Variants in TMEM135 observed in about 807,000 individuals in gnomAD.
TMEM135 encodes peroxisomal membrane protein 52.
Under a neutral mutation model 60.3 loss-of-function variants are expected in TMEM135, and 30 were observed. That is an observed-to-expected ratio of 0.50 (90% CI 0.37 to 0.68). The LOEUF is 0.68. Ranked by LOEUF, TMEM135 falls within the 30% of genes least tolerant of loss-of-function variation. The pLI, the probability that TMEM135 is intolerant of heterozygous loss-of-function variation, is 0.00. For missense variants in TMEM135, 468 were observed against 548.8 expected, an observed-to-expected ratio of 0.85 and a Z score of 1.47; for synonymous variants, 190 against 186.7, an observed-to-expected ratio of 1.02 and a Z score of -0.14.
At chr11:87,298,975 C>G (rs183146515) in intron 7 of TMEM135, among the ~76,000 whole-genome samples, 3 of 150,864 alleles carry the variant, frequency 2.0e-5, no homozygotes, top group African/African-American at 4.9e-5. Flanking sequence ...GTAATCCCAG[C>G]GACTTGAGAG....
At chr11:87,241,536 A>G (rs1169215106) in intron 6 of TMEM135, among the ~76,000 whole-genome samples, 1 of 152,050 alleles carries the variant, frequency 6.6e-6, no homozygotes, top group Non-Finnish European at 1.5e-5. Context: ...AGTTATTTTT[A>G]AATATACAAT....
intron 3 of TMEM135, among the ~76,000 whole-genome samples, chr11:87,084,303 A>G (rs1236981375): frequency 8.1e-6 from 1 of 124,190 alleles, no homozygotes; most frequent in African/African-American, 3.4e-5. Context: ...CAGTTCCTGT[A>G]GCAGTGGTTC....
intron 5 of TMEM135, among the ~76,000 whole-genome samples, chr11:87,215,509 A>G (rs1051366041): frequency 3.9e-5 from 6 of 152,134 alleles, no homozygotes; most frequent in African/African-American, 1.4e-4. Context: ...CTTCTCTGTC[A>G]TTGTTGCCTC....
At chr11:87,246,233 A>G in intron 6 of TMEM135, among the ~76,000 whole-genome samples, 1 of 149,488 alleles carries the variant, frequency 6.7e-6, no homozygotes. Context: ...TGTTAGTCCA[A>G]TGGGCTTCCC....
intron 3 of TMEM135, among the ~76,000 whole-genome samples, chr11:87,081,612 G>A (rs1230483961): frequency 1.3e-5 from 2 of 151,474 alleles, no homozygotes; most frequent in African/African-American, 4.8e-5. Context: ...AGGTTTCCTG[G>A]ATGTAAGGTG....
In TMEM135 at chr11:87,276,504, T is replaced by TTATA. The variant is rs143131982; in HGVS notation, c.510-19263_510-19260dup. Among the ~76,000 whole-genome samples the TTATA allele has an allele frequency of 2.2e-4, 33 of 148,994 alleles. 1 individual carries two copies. The highest frequency in any genetic ancestry group is 7.4e-4 in the African/African-American group (30 of 40,634). On this transcript the variant is annotated intron_variant, in intron 6 of 14. Coordinates refer to ENST00000305494, the MANE Select transcript of TMEM135 (RefSeq NM_022918.4). ...ACTCTAGTACATTACTATCAAAAGT[T>TTATA]TATATATATATATATATACACACAC...
intron 5 of TMEM135, among the ~76,000 whole-genome samples, chr11:87,221,989 A>G (rs1940629133): frequency 1.3e-5 from 2 of 152,040 alleles, no homozygotes. Flanking sequence ...TGAGGTCAGG[A>G]GATCGAGACC....
At chr11:87,167,408 A>C (rs1426548123) in intron 5 of TMEM135, among the ~76,000 whole-genome samples, 1 of 152,182 alleles carries the variant, frequency 6.6e-6, no homozygotes, top group Non-Finnish European at 1.5e-5. Flanking sequence ...GAATGCTTCC[A>C]GCTTTTGCCC....
In TMEM135 at chr11:87,309,609, C is replaced by G; in HGVS notation, c.873C>G (p.Leu291=). The change falls in exon 10 of 15, where the codon CTC becomes CTG. Residue 291 remains leucine, a synonymous_variant. Coordinates refer to ENST00000305494, the MANE Select transcript of TMEM135 (RefSeq NM_022918.4). ...CACAGCCATCTCGGCTACTTTCTCT[C>G]TTCTACAATAAAGAAAACTTCCAGC... is the stretch of plus-strand genomic sequence containing the variant. ...LFTQPSRLLS[L]FYNKENFQLG... 6.2e-7 allele frequency: 1 copy of G among 1,613,910 alleles called. No homozygotes were observed. Among genetic ancestry groups the G allele is most frequent in the South Asian group, 1.1e-5 (1 of 91,080 alleles).
chr11:87,149,329 T>G (rs1258915372), intron 4 of TMEM135, among the ~76,000 whole-genome samples: 1 of 152,214 alleles, frequency 6.6e-6, no homozygotes, highest in African/African-American at 2.4e-5. Flanking sequence ...TATTTACTTA[T>G]GTGTTCCTAT....
Position 87,166,691 on chromosome 11 carries a change from T to C in TMEM135, c.462+9285T>C, listed in dbSNP as rs376558700. ...ATCTGTTTTGGTACCAGTACCATGCTGTTTTGATTACTGTGGCCTTGTAGT... is the reference window on the plus strand; with the variant it reads ...ATCTGTTTTGGTACCAGTACCATGCCGTTTTGATTACTGTGGCCTTGTAGT... On this transcript the variant is annotated intron_variant, in intron 5 of 14. Transcript: ENST00000305494. Among the ~76,000 whole-genome samples the C allele has an allele frequency of 7.2e-5, 11 of 151,902 alleles. 1 individual carries two copies. Among genetic ancestry groups the C allele is most frequent in the African/African-American group, 2.7e-4 (11 of 41,226 alleles).
At chr11:87,056,944 A>T (rs1007816193) in intron 1 of TMEM135, among the ~76,000 whole-genome samples, 1 of 152,220 alleles carries the variant, frequency 6.6e-6, no homozygotes, top group African/African-American at 2.4e-5. Context: ...AGTCCATGAT[A>T]TTTGTACTTA....
intron 3 of TMEM135, among the ~76,000 whole-genome samples, chr11:87,077,985 G>A (rs1300143121): frequency 6.6e-6 from 1 of 152,136 alleles, no homozygotes. Flanking sequence ...TTATTCATAA[G>A]TTGATGGAAA....
chr11:87,190,678 A>G (rs974543043), intron 5 of TMEM135, among the ~76,000 whole-genome samples: 3 of 152,214 alleles, frequency 2.0e-5, no homozygotes, highest in African/African-American at 7.2e-5. Flanking sequence ...GAATCAGAGC[A>G]GAAGGTCCTT....
chr11:87,259,742 C>G (rs1941607734), intron 6 of TMEM135, among the ~76,000 whole-genome samples: 1 of 152,202 alleles, frequency 6.6e-6, no homozygotes, highest in Non-Finnish European at 1.5e-5. Flanking sequence ...GTGATTGAGT[C>G]ACTGAGCCAG....
At chr11:87,269,744 T>C (rs959914370) in intron 6 of TMEM135, among the ~76,000 whole-genome samples, 25 of 151,582 alleles carry the variant, frequency 1.6e-4, no homozygotes, top group African/African-American at 5.3e-4. Context: ...CAGTCTATCA[T>C]TGATGGACAT....
rs145247473 is a variant in TMEM135, at chr11:87,230,433, A to G, written c.463-6205A>G. Among the ~76,000 whole-genome samples, 104 of 152,232 alleles carry G rather than the reference A, an allele frequency of 6.8e-4. 1 individual carries two copies. The highest frequency in any genetic ancestry group is 2.2e-3 in the African/African-American group (92 of 41,558). On this transcript the variant is annotated intron_variant, in intron 5 of 14. Transcript: ENST00000305494. ...ATAGAGAAATTTTTTCAAGTTAAAA[A>G]TTACCATGTATTGAGCATCTATGAT...
rs184427063 is a variant in TMEM135, at chr11:87,265,173, T to C, written c.509+28489T>C. ...AGCTAGAACAAATAATATTTAATGC[T>C]CATTTTATAAACTGATAGTGAGAAA... On this transcript the variant is annotated intron_variant, in intron 6 of 14. Transcript: ENST00000305494. 4.8e-3 allele frequency among the ~76,000 whole-genome samples: 724 copies of C among 152,112 alleles called. 1 individual carries two copies. The highest frequency in any genetic ancestry group is 8.3e-3 in the Non-Finnish European group (560 of 67,850).
At chr11:87,128,236 T>A (rs183947339) in intron 4 of TMEM135, among the ~76,000 whole-genome samples, 10 of 152,322 alleles carry the variant, frequency 6.6e-5, no homozygotes, top group African/African-American at 2.2e-4. Flanking sequence ...TTCCTAGTCT[T>A]AATTGTGCCT....
Sources: allele counts gnomAD v4.1 joint callset (sites outside exome capture counted in the v4.1 genomes callset), GRCh38; gene constraint gnomAD v4.1.1; transcripts MANE v1.5; gene names NCBI Gene and HGNC (gene_info 2026-07-23, HGNC 2026-07-21).